QTMAN: variants seen among roughly 807,000 people sequenced by gnomAD.
QTMAN encodes tRNA-queuosine alpha-mannosyltransferase.
chr2:144,320,080 A>AT, the QTMAN span, among the ~76,000 whole-genome samples: 1 of 152,224 alleles, frequency 6.6e-6, no homozygotes, highest in Non-Finnish European at 1.5e-5. Context: ...GAAAAACCAG[A>AT]TTTTTTAAGA....
the QTMAN span, among the ~76,000 whole-genome samples, chr2:144,230,588 T>C: frequency 6.6e-6 from 1 of 152,078 alleles, no homozygotes. Flanking sequence ...AGGGGCATAT[T>C]GGCAGAGGCT....
the QTMAN span, among the ~76,000 whole-genome samples, chr2:144,301,104 T>C: frequency 3.9e-5 from 6 of 152,332 alleles, no homozygotes; most frequent in Non-Finnish European, 1.5e-5. Context: ...AAAAATCTGA[T>C]TAAAACCAAA....
At chr2:144,019,034 T>C in the QTMAN span, among the ~76,000 whole-genome samples, 1 of 152,000 alleles carries the variant, frequency 6.6e-6, no homozygotes, top group East Asian at 1.9e-4. Context: ...AATCAAAACA[T>C]GGCCAGAGCA....
chr2:144,027,576 G>T, the QTMAN span, among the ~76,000 whole-genome samples: 1 of 152,178 alleles, frequency 6.6e-6, no homozygotes, highest in Non-Finnish European at 1.5e-5. Context: ...GCTGCCTTCC[G>T]CAAACAAGCT....
At chr2:144,154,361 G>A in the QTMAN span, among the ~76,000 whole-genome samples, 124 of 152,244 alleles carry the variant, frequency 8.1e-4, no homozygotes, top group African/African-American at 2.9e-3. Flanking sequence ...TAGAGAGAGT[G>A]GCTAACATTA....
At chr2:143,983,101 T>C in the QTMAN span, among the ~76,000 whole-genome samples, 1 of 152,174 alleles carries the variant, frequency 6.6e-6, no homozygotes, top group Non-Finnish European at 1.5e-5. Context: ...AAAGCTTAGT[T>C]GAAAGAGGGT....
At chr2:144,325,208 C>T in the QTMAN span, among the ~76,000 whole-genome samples, 1 of 152,218 alleles carries the variant, frequency 6.6e-6, no homozygotes, top group Non-Finnish European at 1.5e-5. Context: ...GAATTATAAA[C>T]ATCTTGAGAT....
the QTMAN span, among the ~76,000 whole-genome samples, chr2:143,994,730 CA>C: frequency 6.6e-6 from 1 of 152,134 alleles, no homozygotes; most frequent in Non-Finnish European, 1.5e-5. Context: ...TTTCCTGGGT[CA>C]GGGGTGAAAA....
chr2:144,327,332 G>A, the QTMAN span, among the ~76,000 whole-genome samples: 1 of 152,094 alleles, frequency 6.6e-6, no homozygotes, highest in African/African-American at 2.4e-5. Context: ...TGTCACTCCA[G>A]CAAATTAATA....
chr2:144,288,909 G>A, the QTMAN span, among the ~76,000 whole-genome samples: 22 of 152,052 alleles, frequency 1.4e-4, no homozygotes, highest in Admixed American at 1.4e-3. Context: ...TTAGAGGGAG[G>A]GAAACAGATA....
the QTMAN span, among the ~76,000 whole-genome samples, chr2:143,965,830 G>T: frequency 1.3e-5 from 2 of 152,214 alleles, no homozygotes; most frequent in African/African-American, 4.8e-5. Flanking sequence ...CAAGTGATAA[G>T]TAACTCCATT....
chr2:144,182,813 A>ATC, the QTMAN span, among the ~76,000 whole-genome samples: 1 of 62,890 alleles, frequency 1.6e-5, no homozygotes, highest in African/African-American at 8.1e-5. Context: ...TATATAATAT[A>ATC]TATATTATAT....
At chr2:144,281,110 A>G in the QTMAN span, among the ~76,000 whole-genome samples, 4 of 121,868 alleles carry the variant, frequency 3.3e-5, no homozygotes, top group Admixed American at 2.3e-4. Flanking sequence ...TCCTGTGTCC[A>G]TGTGTTCTCA....
chr2:144,193,702 T>G, the QTMAN span, among the ~76,000 whole-genome samples: 3 of 151,970 alleles, frequency 2.0e-5, no homozygotes, highest in African/African-American at 7.2e-5. Context: ...TTTTTTAAAT[T>G]TTTTTGTAAC....
At chr2:143,992,507 T>C in the QTMAN span, among the ~76,000 whole-genome samples, 2 of 150,152 alleles carry the variant, frequency 1.3e-5, no homozygotes, top group African/African-American at 2.5e-5. Flanking sequence ...TCCCCCTCTG[T>C]GAGAAACACC....
At chr2:144,245,803 T>C in the QTMAN span, among the ~76,000 whole-genome samples, 2 of 152,140 alleles carry the variant, frequency 1.3e-5, no homozygotes, top group Admixed American at 1.3e-4. Context: ...AAAAATAACA[T>C]AGCATTTCCA....
the QTMAN span, among the ~76,000 whole-genome samples, chr2:144,186,026 C>T: frequency 4.6e-5 from 7 of 152,196 alleles, no homozygotes; most frequent in African/African-American, 1.7e-4. Flanking sequence ...AGCTACCCAA[C>T]AGGATGATTC....
chr2:144,084,248 G>C, the QTMAN span, among the ~76,000 whole-genome samples: 1 of 152,198 alleles, frequency 6.6e-6, no homozygotes, highest in Non-Finnish European at 1.5e-5. Context: ...ATATCATCCA[G>C]AAGCTAGCTC....
chr2:144,213,060 A>G, the QTMAN span, among the ~76,000 whole-genome samples: 9 of 152,326 alleles, frequency 5.9e-5, no homozygotes, highest in South Asian at 1.5e-3. Flanking sequence ...ATAGTATTTC[A>G]TACAAACATT....
Sources: allele counts gnomAD v4.1 joint callset (sites outside exome capture counted in the v4.1 genomes callset), GRCh38; gene constraint gnomAD v4.1.1; transcripts MANE v1.5; gene names NCBI Gene and HGNC (gene_info 2026-07-23, HGNC 2026-07-21).